Variants in CLVS1 observed in about 807,000 individuals in gnomAD.
CLVS1 encodes the protein clavesin-1.
Under a neutral mutation model 33.1 loss-of-function variants are expected in CLVS1, and 10 were observed. The observed-to-expected ratio is 0.30, with a 90% CI of 0.19 to 0.51. The LOEUF is 0.51. Among genes scored for constraint, CLVS1 ranks in the 20% least tolerant of loss-of-function variants. The pLI is 0.97. For missense variants in CLVS1, 343 were observed against 433.4 expected, an observed-to-expected ratio of 0.79 and a Z score of 1.85; for synonymous variants, 163 against 166.1, an observed-to-expected ratio of 0.98 and a Z score of 0.14.
At chr8:61,142,146 T>C (rs1806318375) in intron 2 of CLVS1, among the ~76,000 whole-genome samples, 1 of 152,188 alleles carries the variant, frequency 6.6e-6, no homozygotes. Context: ...ATCTCACATG[T>C]GAGGGAGCGA....
chr8:61,257,849 A>T (rs977114007), intron 2 of CLVS1, among the ~76,000 whole-genome samples: 1 of 152,190 alleles, frequency 6.6e-6, no homozygotes. Context: ...ATGACCATAT[A>T]TATTTTATTT....
the CLVS1 span, among the ~76,000 whole-genome samples, chr8:60,984,503 T>C: frequency 1.3e-5 from 2 of 152,028 alleles, no homozygotes; most frequent in South Asian, 2.1e-4. Context: ...AATTTTTGTA[T>C]TTTTACCAGA....
chr8:61,469,454 G>A (rs948382075), intron 5 of CLVS1, among the ~76,000 whole-genome samples: 6 of 152,122 alleles, frequency 3.9e-5, no homozygotes, highest in Non-Finnish European at 5.9e-5. Flanking sequence ...GAGAATGCCC[G>A]GATTAAATTC....
chr8:61,448,791 A>G (rs1309028087), intron 3 of CLVS1, among the ~76,000 whole-genome samples: 2 of 151,962 alleles, frequency 1.3e-5, no homozygotes, highest in Non-Finnish European at 2.9e-5. Flanking sequence ...TTCTAAAACT[A>G]CTTTTTCATC....
intron 1 of CLVS1, among the ~76,000 whole-genome samples, chr8:61,078,792 C>T (rs1259050955): frequency 6.6e-6 from 1 of 152,132 alleles, no homozygotes; most frequent in East Asian, 1.9e-4. Flanking sequence ...TGATGTTTCC[C>T]TAATCATTTT....
intron 1 of CLVS1, among the ~76,000 whole-genome samples, chr8:61,070,392 C>T (rs996563883): frequency 6.6e-6 from 1 of 152,190 alleles, no homozygotes. Flanking sequence ...GAAAGTTATC[C>T]TTTTTGTTTT....
the CLVS1 span, among the ~76,000 whole-genome samples, chr8:61,044,237 G>A: frequency 6.6e-6 from 1 of 152,198 alleles, no homozygotes; most frequent in African/African-American, 2.4e-5. Flanking sequence ...CATAGAACCT[G>A]TGGTTCTGGG....
In CLVS1 at chr8:61,488,037, C is replaced by T. The variant is rs147836308; in HGVS notation, c.978-11418C>T. Among the ~76,000 whole-genome samples the T allele has an allele frequency of 7.7e-3, 1,174 of 152,260 alleles. 11 individuals carry two copies. Among genetic ancestry groups the T allele is most frequent in the South Asian group, 0.025 (122 of 4,820 alleles). On this transcript the variant is annotated intron_variant, in intron 5 of 5. Coordinates refer to ENST00000325897, the MANE Select transcript of CLVS1 (RefSeq NM_173519.3). ...CTGACTGGCAGCTCTTTGTGCCAGTCTAATTCTAATGGAAGATGACTGTTC... is the reference window on the plus strand; with the variant it reads ...CTGACTGGCAGCTCTTTGTGCCAGTTTAATTCTAATGGAAGATGACTGTTC...
Position 61,193,105 on chromosome 8 carries a change from G to T in CLVS1, c.-152+61245G>T, listed in dbSNP as rs1382471723. On this transcript the variant is annotated intron_variant, in intron 2 of 2. Coordinates refer to the CLVS1 transcript ENST00000522621. ...CTGCGGCACTATTCACAATAGCAAAGACTTGGAACCAACCCAAATGTCCAT... is the reference window on the plus strand; with the variant it reads ...CTGCGGCACTATTCACAATAGCAAATACTTGGAACCAACCCAAATGTCCAT... Among the ~76,000 whole-genome samples, 3 of 152,158 alleles carry T rather than the reference G, an allele frequency of 2.0e-5. 1 individual carries two copies. The highest frequency in any genetic ancestry group is 4.1e-4 in the South Asian group (2 of 4,830).
intron 2 of CLVS1, among the ~76,000 whole-genome samples, chr8:61,167,326 G>A (rs1806893250): frequency 6.6e-6 from 1 of 151,590 alleles, no homozygotes; most frequent in African/African-American, 2.4e-5. Context: ...TCCAGAGTAG[G>A]TGCCACCAGG....
At chr8:61,008,151 C>A in the CLVS1 span, among the ~76,000 whole-genome samples, 1 of 152,196 alleles carries the variant, frequency 6.6e-6, no homozygotes, top group South Asian at 2.1e-4. Context: ...AGATCGTCAT[C>A]TACTCAAACA....
chr8:61,096,693 G>C (rs896900243), intron 1 of CLVS1, among the ~76,000 whole-genome samples: 20 of 152,254 alleles, frequency 1.3e-4, no homozygotes, highest in African/African-American at 4.8e-4. Flanking sequence ...CTCTAAGTGA[G>C]TGAGCCTGGA....
chr8:61,215,484 C>T (rs1808063895), intron 2 of CLVS1, among the ~76,000 whole-genome samples: 1 of 151,722 alleles, frequency 6.6e-6, no homozygotes, highest in African/African-American at 2.4e-5. Flanking sequence ...ACCTCATGAG[C>T]TAGCTTGTTT....
chr8:61,418,041 C>T (rs1407412536), intron 3 of CLVS1, among the ~76,000 whole-genome samples: 1 of 152,196 alleles, frequency 6.6e-6, no homozygotes, highest in African/African-American at 2.4e-5. Flanking sequence ...CTGCCAGGGG[C>T]AGAAATCTTG....
chr8:61,036,648 C>G, the CLVS1 span, among the ~76,000 whole-genome samples: 4,051 of 152,270 alleles, frequency 0.027, 173 homozygotes, highest in African/African-American at 0.091. Context: ...AACATGAGAT[C>G]TGGTTTGCAT....
At chr8:61,410,426 G>A (rs963604325) in intron 3 of CLVS1, among the ~76,000 whole-genome samples, 17 of 152,080 alleles carry the variant, frequency 1.1e-4, no homozygotes, top group Admixed American at 9.2e-4. Context: ...TGTAACATCC[G>A]GTAGATCGAC....
At chr8:61,181,212 C>A (rs1807222299) in intron 2 of CLVS1, among the ~76,000 whole-genome samples, 1 of 152,118 alleles carries the variant, frequency 6.6e-6, no homozygotes. Context: ...ACAGCCAAAT[C>A]ATGAGTGATC....
the CLVS1 span, among the ~76,000 whole-genome samples, chr8:61,023,913 T>C: frequency 8.5e-5 from 13 of 152,274 alleles, no homozygotes; most frequent in African/African-American, 3.1e-4. Flanking sequence ...GGAGGAGTTT[T>C]TCTTCTGCTG....
At chr8:60,969,217 T>C in the CLVS1 span, among the ~76,000 whole-genome samples, 1 of 152,174 alleles carries the variant, frequency 6.6e-6, no homozygotes, top group African/African-American at 2.4e-5. Context: ...GCTGTAGTTA[T>C]GGCTGTGGAA....
Sources: gnomAD v4.1 joint callset for allele counts (sites outside exome capture counted in the v4.1 genomes callset) on GRCh38, gnomAD v4.1.1 for gene constraint, MANE v1.5 for transcripts, NCBI Gene and HGNC (gene_info 2026-07-23, HGNC 2026-07-21) for gene names.